The following PLSCR4 variants were observed in gnomAD, a reference collection of about 807,000 sequenced individuals.
PLSCR4 encodes Ca(2+)-dependent phospholipid scramblase 4.
A neutral mutation model predicts 36.3 loss-of-function variants in PLSCR4; 25 were observed. That is an observed-to-expected ratio of 0.69 (90% confidence interval 0.50 to 0.96). The LOEUF (loss-of-function observed/expected upper bound fraction) is 0.96. Among genes scored for constraint, PLSCR4 ranks in the 40% least tolerant of loss-of-function variants. The pLI is 0.00. For synonymous variants in PLSCR4, 122 were observed against 132.9 expected (o/e 0.92, Z 0.56); for missense variants, 408 against 414.7 (o/e 0.98, Z 0.14).
At chr3:146,231,654 GTCT>G (rs1404368151) in intron 1 of PLSCR4, among the ~76,000 whole-genome samples, 3 of 152,106 alleles carry the variant, frequency 2.0e-5, no homozygotes, top group African/African-American at 7.2e-5. Flanking sequence ...CCATGTTTAT[GTCT>G]TCTTTTAAAA....
At chr3:146,224,455 A>G (rs1348765600) in intron 1 of PLSCR4, among the ~76,000 whole-genome samples, 2 of 151,846 alleles carry the variant, frequency 1.3e-5, no homozygotes, top group African/African-American at 4.9e-5. Context: ...TGAGTGTTAC[A>G]GCTCTTAAGG....
chr3:146,203,911 A>C (rs1576453523), intron 4 of PLSCR4, among the ~76,000 whole-genome samples: 1 of 152,144 alleles, frequency 6.6e-6, no homozygotes, highest in African/African-American at 2.4e-5. Flanking sequence ...TTGCATTCAC[A>C]GCTTGGCTAA....
intron 1 of PLSCR4, among the ~76,000 whole-genome samples, chr3:146,242,022 A>G (rs888624111): frequency 6.6e-6 from 1 of 152,186 alleles, no homozygotes; most frequent in African/African-American, 2.4e-5. Flanking sequence ...GTCTCAGCCA[A>G]TGATGGTAGT....
intron 3 of PLSCR4, among the ~76,000 whole-genome samples, chr3:146,217,981 G>C (rs1190236639): frequency 6.6e-6 from 1 of 152,116 alleles, no homozygotes; most frequent in African/African-American, 2.4e-5. Flanking sequence ...AAGGAGATGG[G>C]GAAGGGCAGG....
chr3:146,211,349 T>C (rs1576462161), intron 3 of PLSCR4, among the ~76,000 whole-genome samples: 1 of 152,244 alleles, frequency 6.6e-6, no homozygotes, highest in Non-Finnish European at 1.5e-5. Context: ...TTTGTATATC[T>C]CCTTTGGAGA....
intron 5 of PLSCR4, among the ~76,000 whole-genome samples, chr3:146,200,707 G>A (rs1314867573): frequency 6.6e-6 from 1 of 152,000 alleles, no homozygotes; most frequent in Non-Finnish European, 1.5e-5. Flanking sequence ...GGTGTCCCTG[G>A]CTAACTCATT....
At chr3:146,197,943 A>AT (rs1278697291) in intron 6 of PLSCR4, among the ~76,000 whole-genome samples, 1 of 152,156 alleles carries the variant, frequency 6.6e-6, no homozygotes, top group Non-Finnish European at 1.5e-5. Flanking sequence ...TGAGATAAAA[A>AT]TAAAAATGTA....
intron 1 of PLSCR4, among the ~76,000 whole-genome samples, chr3:146,238,771 T>C (rs546653167): frequency 1.3e-5 from 2 of 152,136 alleles, no homozygotes; most frequent in East Asian, 3.9e-4. Flanking sequence ...TTTTCAACAT[T>C]GTACTGGATG....
chr3:146,214,716 T>G (rs1433587191), intron 3 of PLSCR4, among the ~76,000 whole-genome samples: 1 of 152,152 alleles, frequency 6.6e-6, no homozygotes, highest in Non-Finnish European at 1.5e-5. Context: ...GAATGTGTAT[T>G]ATGCTGTTGT....
Position 146,199,915 on chromosome 3 carries a change from G to GA in PLSCR4, c.521dup (p.Val175ArgfsTer6). 4.3e-6 allele frequency: 7 copies of GA among 1,613,544 alleles called. No homozygotes were observed. The highest frequency in any genetic ancestry group is 5.9e-6 in the Non-Finnish European group (7 of 1,179,744). ...CCATACAATCAGTGACCCGGAGGAC[G>GA]AAGGGCCTTAGTGTCCGATAGGCAT... On this transcript the variant is annotated frameshift_variant, in exon 6 of 9. Coordinates refer to ENST00000354952, the MANE Select transcript of PLSCR4 (RefSeq NM_020353.3). LOFTEE classifies it high-confidence loss of function.
At chr3:146,225,510 G>A (rs562248474) in intron 1 of PLSCR4, among the ~76,000 whole-genome samples, 2 of 152,264 alleles carry the variant, frequency 1.3e-5, no homozygotes, top group Non-Finnish European at 2.9e-5. Flanking sequence ...GGCTCGGGCC[G>A]CACAGGAGCC....
Position 146,199,972 on chromosome 3 carries a change from A to T in PLSCR4, c.465T>A (p.Ile155=). The T allele has an allele frequency of 6.2e-7, 1 of 1,613,272 alleles. No individual in the cohort carries two copies. The highest frequency in any genetic ancestry group is 1.1e-5 in the South Asian group (1 of 91,070). Residue 155 remains isoleucine (I), a synonymous_variant, in exon 6 of 9, where the codon ATT becomes ATA. Coordinates refer to ENST00000354952, the MANE Select transcript of PLSCR4 (RefSeq NM_020353.3). ...TAAAGTCATCTGTGTCTTCGGTTAC[A>T]ATGTAAACCATCTGGTCTGAGTTGT... ...IKNNSDQMVY[I]VTEDTDDFTR...
At chr3:146,228,629 T>C (rs2035572114) in intron 1 of PLSCR4, among the ~76,000 whole-genome samples, 1 of 152,064 alleles carries the variant, frequency 6.6e-6, no homozygotes, top group South Asian at 2.1e-4. Context: ...ATGTATCTTG[T>C]AGTAAACTTT....
At chr3:146,238,713 T>G (rs1390606055) in intron 1 of PLSCR4, among the ~76,000 whole-genome samples, 2 of 152,114 alleles carry the variant, frequency 1.3e-5, no homozygotes, top group African/African-American at 2.4e-5. Flanking sequence ...GACTAAATGC[T>G]TTCCCTTAAG....
At chr3:146,213,334 C>CTTTTTTTTTTTTTTT (rs60242461) in intron 3 of PLSCR4, among the ~76,000 whole-genome samples, 9 of 125,514 alleles carry the variant, frequency 7.2e-5, no homozygotes, top group African/African-American at 1.2e-4. Flanking sequence ...GTAAAATTTC[C>CTTTTTTTTTTTTTTT]TTTTTTTTTT....
At chr3:146,207,307 T>G (rs1243097669) in intron 3 of PLSCR4, among the ~76,000 whole-genome samples, 1 of 152,134 alleles carries the variant, frequency 6.6e-6, no homozygotes, top group Non-Finnish European at 1.5e-5. Flanking sequence ...GTTCTCAGAC[T>G]GGTCCCCAAT....
intron 3 of PLSCR4, among the ~76,000 whole-genome samples, chr3:146,215,324 T>C (rs190571215): frequency 6.6e-6 from 1 of 151,882 alleles, no homozygotes; most frequent in African/African-American, 2.4e-5. Context: ...TGAATATATA[T>C]GTATGTATTA....
chr3:146,205,275 C>T (rs1461155766), intron 4 of PLSCR4, among the ~76,000 whole-genome samples: 1 of 152,036 alleles, frequency 6.6e-6, no homozygotes, highest in Non-Finnish European at 1.5e-5. Flanking sequence ...TCAGTGGATA[C>T]CTGAAACCAC....
At position 146,192,597 on chromosome 3, in the gene PLSCR4, T is replaced by C. The variant is rs1459830079; in HGVS notation, c.*1814A>G. The C allele has an allele frequency of 6.6e-6, 1 of 151,756 alleles. No individual in the cohort carries two copies. 9.4% of individuals were successfully genotyped at this position (151,756 alleles called of 1,614,324 possible). A position where few individuals can be genotyped will look rare whatever the true frequency, so the allele number is the denominator to read the frequency against. ...AATATCACGTCTTATGCTAAATATA[T>C]ATAGATATATTTATTATGATGCAGC... On this transcript the variant is annotated 3_prime_UTR_variant, in exon 9 of 9. Coordinates refer to ENST00000354952, the MANE Select transcript of PLSCR4 (RefSeq NM_020353.3).
Sources: gnomAD v4.1 joint callset for allele counts (sites outside exome capture counted in the v4.1 genomes callset) on GRCh38, gnomAD v4.1.1 for gene constraint, MANE v1.5 for transcripts, NCBI Gene and HGNC (gene_info 2026-07-23, HGNC 2026-07-21) for gene names.